PCSK2: variants seen among roughly 807,000 people sequenced by gnomAD.
The protein encoded by PCSK2 is proprotein convertase subtilisin/kexin type 2.
PCSK2 carries 14 observed loss-of-function variants against 69.7 expected under a neutral mutation model. The ratio of observed to expected loss-of-function variants is 0.20; its 90% CI spans 0.13 to 0.31. PCSK2 has a LOEUF of 0.31. Among genes scored for constraint, PCSK2 ranks in the 10% least tolerant of loss-of-function variants. The probability of loss-of-function intolerance (pLI) is 1.00; values close to 1 mark genes in which losing one functional copy is unlikely to be tolerated. For missense variants in PCSK2, 544 were observed against 842.5 expected, an observed-to-expected ratio of 0.65 and a Z score of 4.39; for synonymous variants, 307 against 320.7, an observed-to-expected ratio of 0.96 and a Z score of 0.46.
At chr20:17,354,878 G>A (rs1249505398) in intron 2 of PCSK2, among the ~76,000 whole-genome samples, 3 of 151,788 alleles carry the variant, frequency 2.0e-5, no homozygotes, top group Non-Finnish European at 4.4e-5. Context: ...TGATTAATGG[G>A]GTTACATGGT....
At chr20:17,449,034 AT>A (rs1217391373) in intron 8 of PCSK2, among the ~76,000 whole-genome samples, 12 of 151,768 alleles carry the variant, frequency 7.9e-5, no homozygotes, top group African/African-American at 2.9e-4. Flanking sequence ...CGCCAAGCTA[AT>A]TTTTTCTTTT....
At chr20:17,344,788 C>T (rs987547953) in intron 2 of PCSK2, among the ~76,000 whole-genome samples, 5 of 152,206 alleles carry the variant, frequency 3.3e-5, no homozygotes, top group African/African-American at 9.7e-5. Context: ...AGGCTCTTTT[C>T]CCAGTGCCTT....
intron 2 of PCSK2, among the ~76,000 whole-genome samples, chr20:17,275,524 C>CTATT (rs1180003150): frequency 6.6e-6 from 1 of 152,124 alleles, no homozygotes; most frequent in Non-Finnish European, 1.5e-5. Context: ...TGGACTTTTA[C>CTATT]TATTGTTCAT....
intron 2 of PCSK2, among the ~76,000 whole-genome samples, chr20:17,344,652 C>G (rs77695712): frequency 7.8e-6 from 1 of 128,444 alleles, no homozygotes; most frequent in African/African-American, 2.9e-5. Flanking sequence ...TGTTTGTTCC[C>G]CATTGAAAAC....
At chr20:17,287,310 C>T (rs910388222) in intron 2 of PCSK2, among the ~76,000 whole-genome samples, 2 of 152,054 alleles carry the variant, frequency 1.3e-5, no homozygotes, top group Admixed American at 1.3e-4. Context: ...CTGGCGGGGA[C>T]TGAGAGAAAG....
intron 5 of PCSK2, among the ~76,000 whole-genome samples, chr20:17,388,598 C>T (rs149444683): frequency 7.1e-4 from 108 of 152,040 alleles, no homozygotes; most frequent in African/African-American, 2.4e-3. Flanking sequence ...TCACTTAGCG[C>T]GGGCCTCATT....
Position 17,339,286 on chromosome 20 carries a change from A to G in PCSK2, c.283-19041A>G, listed in dbSNP as rs117702451. Among the ~76,000 whole-genome samples the G allele has an allele frequency of 8.6e-4, 131 of 152,340 alleles. 1 individual carries two copies. In the East Asian group the frequency reaches 0.023, roughly 27 times the overall value. On this transcript the variant is annotated intron_variant, in intron 2 of 11. Transcript: ENST00000262545. ...GGAGACAAGTGAACAAAGTGAACAG[A>G]AATCAGTGAACTCCATCAGAGAACC...
At position 17,227,271 on chromosome 20, in the gene PCSK2, C is replaced by T. The variant is rs367800451; in HGVS notation, c.-35C>T. 1 of 1,570,542 alleles carries T rather than the reference C, an allele frequency of 6.4e-7. No homozygotes were observed. Among genetic ancestry groups the T allele is most frequent in the Non-Finnish European group, 8.8e-7 (1 of 1,142,756 alleles). On this transcript the variant is annotated 5_prime_UTR_variant, in exon 1 of 12. Transcript: ENST00000262545. Reference sequence around the variant, plus strand: ...GAGTCCCCTGCTCCGCCAGCCTGCGCGCCTCCTAGCACCACTTTTCACTCC... The same window carrying T: ...GAGTCCCCTGCTCCGCCAGCCTGCGTGCCTCCTAGCACCACTTTTCACTCC...
intron 6 of PCSK2, among the ~76,000 whole-genome samples, chr20:17,417,655 T>G (rs529370738): frequency 1.4e-4 from 21 of 152,200 alleles, no homozygotes; most frequent in Non-Finnish European, 2.4e-4. Context: ...ACCATTACCC[T>G]GAAGATGATT....
At chr20:17,476,555 A>G (rs1600611242) in intron 11 of PCSK2, among the ~76,000 whole-genome samples, 1 of 152,194 alleles carries the variant, frequency 6.6e-6, no homozygotes, top group Non-Finnish European at 1.5e-5. Context: ...TACTATGTAT[A>G]TGAGTATACA....
chr20:17,228,919 G>A (rs1986037747), intron 1 of PCSK2, among the ~76,000 whole-genome samples: 2 of 152,160 alleles, frequency 1.3e-5, no homozygotes, highest in African/African-American at 2.4e-5. Context: ...GGTGGAGCAG[G>A]GGAAAGAAGG....
chr20:17,413,245 TAA>T (rs2031918790), intron 6 of PCSK2, among the ~76,000 whole-genome samples: 2 of 152,102 alleles, frequency 1.3e-5, no homozygotes, highest in South Asian at 4.1e-4. Context: ...GCAAATTGGA[TAA>T]AGAGTCAAGA....
intron 6 of PCSK2, among the ~76,000 whole-genome samples, chr20:17,418,769 G>A (rs1323490162): frequency 6.6e-6 from 1 of 152,152 alleles, no homozygotes; most frequent in African/African-American, 2.4e-5. Flanking sequence ...TCTGGGCATA[G>A]GCACCAAATC....
intron 2 of PCSK2, among the ~76,000 whole-genome samples, chr20:17,285,790 G>C (rs763872035): frequency 2.6e-5 from 4 of 152,100 alleles, no homozygotes; most frequent in African/African-American, 9.7e-5. Flanking sequence ...AATTTTCCTT[G>C]CTCCAGATTT....
At chr20:17,296,878 T>A (rs1274510402) in intron 2 of PCSK2, among the ~76,000 whole-genome samples, 1 of 152,188 alleles carries the variant, frequency 6.6e-6, no homozygotes, top group Admixed American at 6.5e-5. Flanking sequence ...AGATCCTCCA[T>A]TCGTTGGACT....
chr20:17,251,540 G>A (rs1190521991), intron 1 of PCSK2, among the ~76,000 whole-genome samples: 1 of 152,214 alleles, frequency 6.6e-6, no homozygotes, highest in Admixed American at 6.5e-5. Flanking sequence ...GATGTCCCTT[G>A]AGAGCCTTTA....
chr20:17,426,327 A>G lies in PCSK2; in HGVS notation c.621-3108A>G, dbSNP rs138499053. Among the ~76,000 whole-genome samples the G allele has an allele frequency of 3.6e-3, 551 of 152,276 alleles. 3 individuals carry two copies. Among genetic ancestry groups the G allele is most frequent in the Non-Finnish European group, 3.6e-3 (246 of 68,002 alleles). On this transcript the variant is annotated intron_variant, in intron 6 of 11. Transcript: ENST00000262545. ...CTTCCACCATGATTTTAAGTTTCCT[A>G]AGGCCTCCCAAGCAATGCTGAACTG...
chr20:17,478,944 T>A (rs896549956), intron 11 of PCSK2: 1 of 598,068 alleles, frequency 1.7e-6, no homozygotes, highest in African/African-American at 1.9e-5. Context: ...TGATATTGCT[T>A]GCTTACAATA....
intron 2 of PCSK2, among the ~76,000 whole-genome samples, chr20:17,347,960 GAGAAAGAA>G (rs55852687): frequency 0.29 from 19,416 of 67,752 alleles, 3,271 homozygotes; most frequent in Middle Eastern, 0.48. Context: ...AAGAAAGAAA[GAGAAAGAA>G]AGAAAGAAAG....
Sources: gnomAD v4.1 joint callset for allele counts (sites outside exome capture counted in the v4.1 genomes callset) on GRCh38, gnomAD v4.1.1 for gene constraint, MANE v1.5 for transcripts, NCBI Gene and HGNC (gene_info 2026-07-23, HGNC 2026-07-21) for gene names.